The following ANKRD30A variants were observed in gnomAD, a reference collection of about 807,000 sequenced individuals.
ANKRD30A encodes the protein ankyrin repeat domain 30A, also known as ankyrin repeat domain-containing protein 30A.
In ANKRD30A, 170 loss-of-function variants were observed where a neutral mutation model predicts 166.3. That is an observed-to-expected ratio of 1.02 (90% CI 0.90 to 1.16). The LOEUF is 1.16. ANKRD30A is among the 50% of genes most tolerant of loss of function. ANKRD30A has a pLI of 0.00. For synonymous variants in ANKRD30A, 564 were observed against 508.9 expected (o/e 1.11, Z -1.46); for missense variants, 1,630 against 1,518.0 (o/e 1.07, Z -1.23).
intron 15 of ANKRD30A, among the ~76,000 whole-genome samples, chr10:37,159,144 A>C (rs1387995304): frequency 6.6e-6 from 1 of 152,148 alleles, no homozygotes; most frequent in Non-Finnish European, 1.5e-5. Flanking sequence ...GGTGTCTTTT[A>C]ATGCTACTGT....
In ANKRD30A at chr10:37,141,830, A is replaced by G. The variant is rs1482218847; in HGVS notation, c.933A>G (p.Glu311=). The G allele has an allele frequency of 2.5e-6, 4 of 1,613,528 alleles. No individual in the cohort carries two copies. Among genetic ancestry groups the G allele is most frequent in the Non-Finnish European group, 3.4e-6 (4 of 1,179,826 alleles). ...KTPDEAAPLV[E]RTPDTAESLV... is the part of the protein sequence containing the mutation. ...CTGATGAGGCTGCACCCTTGGTGGA[A>G]AGAACACCTGACACGGCTGAAAGCT... The change falls in exon 7 of 36, where the codon GAA becomes GAG. Residue 311 remains glutamate, a synonymous_variant. Transcript: ENST00000361713.
At position 37,142,248 on chromosome 10, in the gene ANKRD30A, G is replaced by C; in HGVS notation, c.1351G>C (p.Ala451Pro). Residue 451 changes from alanine (A) to proline (P), a missense_variant, in exon 7 of 36, where the codon GCA (alanine) becomes CCA (proline). Coordinates refer to ENST00000361713, the MANE Select transcript of ANKRD30A (RefSeq NM_052997.3). ...GGAAAAAGGAAGATCTAAGATGATT[G>C]CATGTCCTACAAAAGAATCATCTAC... ...VLEKGRSKMI[A>P]CPTKESSTKA... 1.2e-6 allele frequency: 2 copies of C among 1,601,820 alleles called. No homozygotes were observed. The highest frequency in any genetic ancestry group is 3.5e-5 in the Admixed American group (2 of 56,774).
At position 37,229,249 on chromosome 10, in the gene ANKRD30A, C is replaced by T. The variant is rs151329422; in HGVS notation, c.4186-2212C>T. Among the ~76,000 whole-genome samples, 9 of 151,942 alleles carry T rather than the reference C, an allele frequency of 5.9e-5. No homozygotes were observed. The East Asian group carries it at 1.2e-3, about 20-fold the overall frequency. The stretch of plus-strand genomic sequence containing the variant: ...CTCAAACTGCTTGCCCTTGGTACCC[C>T]CTTCTCCTGTTTTGAGTGAGGATGG... On this transcript the variant is annotated intron_variant, in intron 34 of 35. Coordinates refer to ENST00000361713, the MANE Select transcript of ANKRD30A (RefSeq NM_052997.3).
chr10:37,202,005 T>A (rs1465671247), intron 31 of ANKRD30A, among the ~76,000 whole-genome samples: 1 of 152,068 alleles, frequency 6.6e-6, no homozygotes, highest in Non-Finnish European at 1.5e-5. Flanking sequence ...TGACTTGGGA[T>A]TCTGCATTTT....
At chr10:37,190,950 T>A (rs1320080866) in intron 25 of ANKRD30A, among the ~76,000 whole-genome samples, 5 of 151,914 alleles carry the variant, frequency 3.3e-5, no homozygotes, top group African/African-American at 1.2e-4. Flanking sequence ...ATTGCCATTT[T>A]ATGAAACCTC....
chr10:37,231,494 T>G lies in ANKRD30A; in HGVS notation c.*25T>G. 1 of 1,582,380 alleles carries G rather than the reference T, an allele frequency of 6.3e-7. No homozygotes were observed. Among genetic ancestry groups the G allele is most frequent in the African/African-American group, 1.4e-5 (1 of 73,682 alleles). ...AGAGACAAGCAGTAAGAAACTTCTT[T>G]TGGAGAAACAACAGACCAGATCTTT... On this transcript the variant is annotated 3_prime_UTR_variant, in exon 35 of 36. Coordinates refer to ENST00000361713, the MANE Select transcript of ANKRD30A (RefSeq NM_052997.3).
At chr10:37,136,981 CTT>C (rs1220107655) in intron 6 of ANKRD30A, among the ~76,000 whole-genome samples, 2 of 151,726 alleles carry the variant, frequency 1.3e-5, no homozygotes, top group African/African-American at 4.8e-5. Context: ...CTATATAATA[CTT>C]TTGTATAAAT....
chr10:37,143,585 C>A (rs1837300400), intron 7 of ANKRD30A, among the ~76,000 whole-genome samples: 1 of 151,800 alleles, frequency 6.6e-6, no homozygotes, highest in East Asian at 1.9e-4. Context: ...ACCCAGGAGG[C>A]AGAGGTTGCA....
At chr10:37,153,835 T>C (rs1245901683) in intron 13 of ANKRD30A, among the ~76,000 whole-genome samples, 173 bp downstream of exon 13, 3 of 152,134 alleles carry the variant, frequency 2.0e-5, no homozygotes, top group Non-Finnish European at 2.9e-5. Context: ...CAACAGACTA[T>C]ATTGAGAGTG....
chr10:37,161,445 T>C (rs1838861201), intron 15 of ANKRD30A, among the ~76,000 whole-genome samples: 1 of 152,154 alleles, frequency 6.6e-6, no homozygotes, highest in Admixed American at 6.6e-5. Flanking sequence ...AGGTTTTTTT[T>C]TATTTTCTGT....
Position 37,219,687 on chromosome 10 carries a change from A to G in ANKRD30A, c.3975A>G (p.Gln1325=). ...AGTCTCTAGATCAGAAATTATTTCAACTACAAAGCAAAAATATGTGGCTTC... is the reference window on the plus strand; with the variant it reads ...AGTCTCTAGATCAGAAATTATTTCAGCTACAAAGCAAAAATATGTGGCTTC... ...QQESLDQKLF[Q]LQSKNMWLQQ... Residue 1325 remains glutamine (Q), a synonymous_variant, in exon 34 of 36, where the codon CAA becomes CAG. Coordinates refer to ENST00000361713, the MANE Select transcript of ANKRD30A (RefSeq NM_052997.3). The G allele has an allele frequency of 1.2e-6, 2 of 1,609,504 alleles. No homozygotes were observed. The highest frequency in any genetic ancestry group is 1.7e-6 in the Non-Finnish European group (2 of 1,177,202).
chr10:37,156,312 A>C (rs1028907251), intron 13 of ANKRD30A, among the ~76,000 whole-genome samples: 3 of 152,076 alleles, frequency 2.0e-5, no homozygotes, highest in Admixed American at 1.3e-4. Flanking sequence ...GAATCTTTCG[A>C]GCTATGCCAT....
the ANKRD30A span, chr10:37,241,179 G>A: frequency 1.3e-5 from 2 of 151,462 alleles, no homozygotes; most frequent in Non-Finnish European, 2.9e-5. Context: ...AGGTGGTGCT[G>A]AACTAGAATC....
At chr10:37,243,979 G>C in the ANKRD30A span, among the ~76,000 whole-genome samples, 1 of 152,060 alleles carries the variant, frequency 6.6e-6, no homozygotes, top group South Asian at 2.1e-4. Flanking sequence ...AAATATGTCA[G>C]CCTCACAGAG....
Position 37,158,387 on chromosome 10 carries a change from T to C in ANKRD30A, c.1799-5T>C. ...AATCAATTATGTATGTCCCTTTTCTTATAGAGTCTCCTAATAAAGATGGTC... is the reference window on the plus strand; with the variant it reads ...AATCAATTATGTATGTCCCTTTTCTCATAGAGTCTCCTAATAAAGATGGTC... On this transcript the variant is annotated splice_region_variant and splice_polypyrimidine_tract_variant and intron_variant, in intron 13 of 35. Transcript: ENST00000361713. The C allele has an allele frequency of 3.1e-6, 5 of 1,608,724 alleles. No homozygotes were observed. The highest frequency in any genetic ancestry group is 4.3e-6 in the Non-Finnish European group (5 of 1,176,016).
chr10:37,254,566 T>G, the ANKRD30A span, among the ~76,000 whole-genome samples: 1 of 152,154 alleles, frequency 6.6e-6, no homozygotes, highest in Non-Finnish European at 1.5e-5. Context: ...TTTTTTTCTT[T>G]TCACTGTTGA....
chr10:37,252,703 G>C, the ANKRD30A span, among the ~76,000 whole-genome samples: 2 of 149,610 alleles, frequency 1.3e-5, no homozygotes, highest in African/African-American at 2.5e-5. Context: ...TTTACTAACT[G>C]TGTGACCTTG....
In ANKRD30A at chr10:37,217,807, AAAC is replaced by A; in HGVS notation, c.3203_3205del (p.Gln1068del). 6.2e-7 allele frequency: 1 copy of A among 1,600,618 alleles called. No individual in the cohort carries two copies. The highest frequency in any genetic ancestry group is 8.5e-7 in the Non-Finnish European group (1 of 1,172,834). On this transcript the variant is annotated inframe_deletion, in exon 33 of 36. Coordinates refer to ENST00000361713, the MANE Select transcript of ANKRD30A (RefSeq NM_052997.3). Reference sequence around the variant, plus strand: ...GCAGCATAGGAAAGAGTTAGAAGTGAAACAACAACTTGAACAGGCTCTCAGAAT... The same window carrying A: ...GCAGCATAGGAAAGAGTTAGAAGTGAAACAACTTGAACAGGCTCTCAGAAT...
chr10:37,255,285 A>G, the ANKRD30A span, among the ~76,000 whole-genome samples: 4 of 152,132 alleles, frequency 2.6e-5, no homozygotes, highest in South Asian at 8.3e-4. Flanking sequence ...AGAGGGTGGG[A>G]AGGGGGAGGG....
Sources: allele counts gnomAD v4.1 joint callset (sites outside exome capture counted in the v4.1 genomes callset), GRCh38; gene constraint gnomAD v4.1.1; transcripts MANE v1.5; gene names NCBI Gene and HGNC (gene_info 2026-07-23, HGNC 2026-07-21).